The following TENT2 variants were observed in gnomAD, a reference collection of about 807,000 sequenced individuals.
TENT2 encodes poly(A) RNA polymerase GLD2.
In TENT2, 44 loss-of-function variants were observed where a neutral mutation model predicts 72.2. The ratio of observed to expected loss-of-function variants is 0.61; its 90% CI spans 0.48 to 0.78. The LOEUF is 0.78. TENT2 is among the 30% of genes least tolerant of loss of function. The pLI is 0.00. For missense variants in TENT2, 541 were observed against 569.6 expected (o/e 0.95, Z 0.51); for synonymous variants, 212 against 192.5 (o/e 1.10, Z -0.84).
chr5:79,615,827 C>T (rs1050153363), intron 1 of TENT2, among the ~76,000 whole-genome samples: 1 of 152,044 alleles, frequency 6.6e-6, no homozygotes, highest in African/African-American at 2.4e-5. Context: ...ATCCTCCCAC[C>T]CCAGCCTCCA....
At chr5:79,620,829 T>C (rs944670724) in intron 3 of TENT2, among the ~76,000 whole-genome samples, 9 of 152,222 alleles carry the variant, frequency 5.9e-5, no homozygotes, top group African/African-American at 2.2e-4. Flanking sequence ...TTCTTTTGAT[T>C]TATCTACATC....
intron 4 of TENT2, among the ~76,000 whole-genome samples, chr5:79,631,928 G>A (rs376027099): frequency 6.6e-6 from 1 of 152,178 alleles, no homozygotes; most frequent in Non-Finnish European, 1.5e-5. Flanking sequence ...TTGTAGATAC[G>A]GTAGGGAGAA....
rs576552693 is a variant in TENT2, at chr5:79,688,246, A to G, written c.*2973A>G. On this transcript the variant is annotated 3_prime_UTR_variant, in exon 15 of 15. Coordinates refer to ENST00000453514, the MANE Select transcript of TENT2 (RefSeq NM_001114394.3). ...AAATGTTAACTCTTCTAGCCATCAA[A>G]TCATTCTCATGAAATGAATATCTTT... is the stretch of plus-strand genomic sequence containing the variant. 3.3e-5 allele frequency among the ~76,000 whole-genome samples: 5 copies of G among 152,328 alleles called. No homozygotes were observed. In the South Asian group the frequency reaches 1.0e-3, roughly 32 times the overall value.
At chr5:79,680,633 G>A (rs34365218) in intron 13 of TENT2, among the ~76,000 whole-genome samples, 65,922 of 151,932 alleles carry the variant, frequency 0.43, 17,204 homozygotes, top group African/African-American at 0.73. Flanking sequence ...CTATTCTTCC[G>A]TACTTTTTCT....
At chr5:79,679,693 C>T (rs754934298) in intron 13 of TENT2, 23 bp downstream of exon 13, 33 of 1,374,984 alleles carry the variant, frequency 2.4e-5, no homozygotes, top group East Asian at 1.7e-4. Context: ...TTACCATCTA[C>T]GTATCATCAT....
rs1471070734 is a variant in TENT2, at chr5:79,659,554, ATGTATATATATATATATAT to A, written c.1071+2554_1071+2572del. Among the ~76,000 whole-genome samples the A allele has an allele frequency of 2.1e-4, 10 of 47,278 alleles. 1 individual carries two copies. The highest frequency in any genetic ancestry group is 1.9e-3 in the East Asian group (2 of 1,068). 31.0% of individuals were successfully genotyped at this position (47,278 alleles called of 152,430 possible). On this transcript the variant is annotated intron_variant, in intron 11 of 14. Transcript: ENST00000453514. ...CTCAAAAAAAAAAAAAAAAAAAAAA[ATGTATATATATATATATAT>A]ATATATATATATATATATATAATAG...
At chr5:79,659,359 C>G (rs973088522) in intron 11 of TENT2, among the ~76,000 whole-genome samples, 2 of 150,326 alleles carry the variant, frequency 1.3e-5, no homozygotes, top group East Asian at 2.0e-4. Context: ...ATAGTGAAAC[C>G]CCGTCTCTAC....
At chr5:79,649,918 T>C (rs1022919942) in intron 10 of TENT2, among the ~76,000 whole-genome samples, 1 of 152,182 alleles carries the variant, frequency 6.6e-6, no homozygotes, top group Non-Finnish European at 1.5e-5. Flanking sequence ...TAAGCTGCTT[T>C]ATACTTTCTA....
chr5:79,652,846 A>G (rs1250885871), intron 10 of TENT2, among the ~76,000 whole-genome samples: 1 of 151,974 alleles, frequency 6.6e-6, no homozygotes, highest in African/African-American at 2.4e-5. Flanking sequence ...ACTTTATAAT[A>G]TATGTTACTT....
In TENT2 at chr5:79,612,539, A is replaced by G. The variant is rs1210664675; in HGVS notation, c.-574A>G. 1.3e-5 allele frequency: 2 copies of G among 152,530 alleles called. No individual in the cohort carries two copies. Among genetic ancestry groups the G allele is most frequent in the Non-Finnish European group, 2.9e-5 (2 of 68,234 alleles). 9.4% of individuals were successfully genotyped at this position (152,530 alleles called of 1,614,324 possible). ...CTTCCGCTTTTTGCCACCGCCCCCA[A>G]CCTTCTATATCCTTGCAGCCCCTAC... On this transcript the variant is annotated 5_prime_UTR_variant, in exon 1 of 15. Transcript: ENST00000453514.
intron 1 of TENT2, among the ~76,000 whole-genome samples, 153 bp from the exon 2 acceptor site, chr5:79,619,459 T>C (rs1763032824): frequency 6.6e-6 from 1 of 152,232 alleles, no homozygotes; most frequent in Non-Finnish European, 1.5e-5. Flanking sequence ...TTTCTTTTGT[T>C]ACCTACAGTG....
chr5:79,639,941 G>A (rs1021062651), intron 4 of TENT2, among the ~76,000 whole-genome samples: 5 of 152,108 alleles, frequency 3.3e-5, no homozygotes, highest in African/African-American at 1.2e-4. Flanking sequence ...GGAGGGAAAA[G>A]TGTGAACCAG....
At chr5:79,650,492 T>C (rs1485256231) in intron 10 of TENT2, among the ~76,000 whole-genome samples, 1 of 152,134 alleles carries the variant, frequency 6.6e-6, no homozygotes, top group African/African-American at 2.4e-5. Context: ...ATAATAATTA[T>C]TACAGTGTAG....
intron 10 of TENT2, among the ~76,000 whole-genome samples, chr5:79,652,098 C>T (rs1033573493): frequency 2.6e-5 from 4 of 151,986 alleles, no homozygotes; most frequent in African/African-American, 9.7e-5. Flanking sequence ...TGTCCTTTGA[C>T]TCAGTTATTT....
At chr5:79,673,146 A>AT (rs1454385153) in intron 12 of TENT2, among the ~76,000 whole-genome samples, 4 of 152,016 alleles carry the variant, frequency 2.6e-5, no homozygotes, top group African/African-American at 4.8e-5. Context: ...GGATTATTAG[A>AT]TTTTTTCCTA....
At chr5:79,672,204 T>G (rs1242718138) in intron 12 of TENT2, among the ~76,000 whole-genome samples, 2 of 152,200 alleles carry the variant, frequency 1.3e-5, no homozygotes, top group Non-Finnish European at 2.9e-5. Context: ...AATAGGTTTG[T>G]ATATTTATAG....
At chr5:79,633,724 T>G (rs1184882952) in intron 4 of TENT2, among the ~76,000 whole-genome samples, 1 of 98,696 alleles carries the variant, frequency 1.0e-5, no homozygotes. Flanking sequence ...CTAAAAAGTT[T>G]TTTTTTTTTT....
Position 79,688,066 on chromosome 5 carries a change from T to G in TENT2, c.*2793T>G, listed in dbSNP as rs1287352973. Among the ~76,000 whole-genome samples the G allele has an allele frequency of 2.0e-5, 3 of 152,186 alleles. No individual in the cohort carries two copies. Among genetic ancestry groups the G allele is most frequent in the Admixed American group, 2.0e-4 (3 of 15,282 alleles). ...CCTTGACTCTGCTGTTTTCCCTCCT[T>G]ATGCCCCACTAGCTGATGTATCTGT... On this transcript the variant is annotated 3_prime_UTR_variant, in exon 15 of 15. Coordinates refer to ENST00000453514, the MANE Select transcript of TENT2 (RefSeq NM_001114394.3).
At chr5:79,634,155 A>C (rs1258519692) in intron 4 of TENT2, among the ~76,000 whole-genome samples, 1 of 119,758 alleles carries the variant, frequency 8.4e-6, no homozygotes, top group Non-Finnish European at 1.9e-5. Context: ...ACTCCGTCTC[A>C]AAAAAAAAAA....
Sources: gnomAD v4.1 joint callset for allele counts (sites outside exome capture counted in the v4.1 genomes callset) on GRCh38, gnomAD v4.1.1 for gene constraint, MANE v1.5 for transcripts, NCBI Gene and HGNC (gene_info 2026-07-23, HGNC 2026-07-21) for gene names.